Variants in EPB41L3 observed in about 807,000 individuals in gnomAD.
EPB41L3 encodes erythrocyte membrane protein band 4.1 like 3.
Under a neutral mutation model 127.1 loss-of-function variants are expected in EPB41L3, and 57 were observed. That is an observed-to-expected ratio of 0.45 (90% CI 0.36 to 0.56). EPB41L3 has a LOEUF of 0.56. Ranked by LOEUF, EPB41L3 falls within the 20% of genes least tolerant of loss-of-function variation. EPB41L3 has a pLI of 0.00. For missense variants in EPB41L3, 1,273 were observed against 1,372.2 expected (o/e 0.93, Z 1.14); for synonymous variants, 572 against 549.5 (o/e 1.04, Z -0.57).
intron 1 of EPB41L3, among the ~76,000 whole-genome samples, chr18:5,510,641 C>A (rs754678219): frequency 6.6e-6 from 1 of 152,158 alleles, no homozygotes; most frequent in Non-Finnish European, 1.5e-5. Context: ...TATTATCCTG[C>A]GCCGCATTCT....
At chr18:5,531,729 C>T (rs759095093) in intron 1 of EPB41L3, among the ~76,000 whole-genome samples, 568 of 72,154 alleles carry the variant, frequency 7.9e-3, no homozygotes, top group Admixed American at 0.013. Context: ...AAGACCCTGT[C>T]TCAAAAAAAA....
chr18:5,517,563 G>A (rs2148762275), intron 1 of EPB41L3, among the ~76,000 whole-genome samples: 1 of 152,160 alleles, frequency 6.6e-6, no homozygotes, highest in East Asian at 1.9e-4. Context: ...AGCTTTCCGA[G>A]TAGCTGGGAC....
chr18:5,524,853 G>A (rs2093160059), intron 1 of EPB41L3, among the ~76,000 whole-genome samples: 1 of 152,174 alleles, frequency 6.6e-6, no homozygotes. Context: ...CATTTAGCCA[G>A]GGAACAGATG....
intron 3 of EPB41L3, among the ~76,000 whole-genome samples, chr18:5,573,869 G>A (rs1188437492): frequency 1.3e-5 from 2 of 151,662 alleles, no homozygotes; most frequent in Non-Finnish European, 2.9e-5. Context: ...TCAATGAGCA[G>A]TTGTGAATTC....
chr18:5,483,611 A>G (rs779329628), intron 2 of EPB41L3, among the ~76,000 whole-genome samples: 31 of 152,104 alleles, frequency 2.0e-4, no homozygotes, highest in African/African-American at 7.2e-4. Context: ...ACAGACTGAA[A>G]GTAAAAAGGT....
At chr18:5,570,786 C>T (rs2094269155) in intron 3 of EPB41L3, 1 of 152,114 alleles carries the variant, frequency 6.6e-6, no homozygotes, top group Non-Finnish European at 1.5e-5. Context: ...TTCCTTTACT[C>T]ACACAGGTTT....
intron 3 of EPB41L3, among the ~76,000 whole-genome samples, chr18:5,602,075 C>T (rs1305906513): frequency 6.6e-6 from 1 of 152,068 alleles, no homozygotes; most frequent in Non-Finnish European, 1.5e-5. Flanking sequence ...AATGCCTGTC[C>T]GCAGCTTTCA....
At chr18:5,473,279 T>C (rs2086505772) in intron 3 of EPB41L3, among the ~76,000 whole-genome samples, 1 of 152,012 alleles carries the variant, frequency 6.6e-6, no homozygotes, top group Non-Finnish European at 1.5e-5. Flanking sequence ...AGGGGCTAAA[T>C]AAACTGACTT....
At chr18:5,532,032 A>T (rs1228780777) in intron 1 of EPB41L3, among the ~76,000 whole-genome samples, 3 of 152,222 alleles carry the variant, frequency 2.0e-5, no homozygotes, top group Non-Finnish European at 2.9e-5. Context: ...GAGGCACTGT[A>T]CCAGGCTCAA....
chr18:5,544,355 G>A (rs1455579609), upstream of EPB41L3: 3 of 982,234 alleles, frequency 3.1e-6, no homozygotes, highest in East Asian at 3.4e-4. Flanking sequence ...AGAAAGGAGG[G>A]AGAGGGTGTT....
chr18:5,448,411 T>A (rs376186130), intron 3 of EPB41L3, among the ~76,000 whole-genome samples: 42 of 152,316 alleles, frequency 2.8e-4, no homozygotes, highest in African/African-American at 9.9e-4. Context: ...AGTCAACTAA[T>A]TCTACTTATT....
intron 2 of EPB41L3, among the ~76,000 whole-genome samples, chr18:5,484,923 G>A (rs2089463741): frequency 6.6e-6 from 1 of 151,226 alleles, no homozygotes; most frequent in Non-Finnish European, 1.5e-5. Flanking sequence ...AACTAATACT[G>A]ATCCTACTTA....
At chr18:5,435,375 G>A (rs538111495) in intron 6 of EPB41L3, among the ~76,000 whole-genome samples, 2 of 152,078 alleles carry the variant, frequency 1.3e-5, no homozygotes, top group Non-Finnish European at 2.9e-5. Context: ...GCAACTTCCC[G>A]TCCTGCACGC....
At chr18:5,623,788 C>G (rs1206676924) in intron 1 of EPB41L3, among the ~76,000 whole-genome samples, 1 of 151,876 alleles carries the variant, frequency 6.6e-6, no homozygotes, top group Admixed American at 6.6e-5. Context: ...ACTGGGATCA[C>G]AGGCATGAGC....
At chr18:5,435,002 T>C (rs2145853451) in intron 6 of EPB41L3, among the ~76,000 whole-genome samples, 1 of 152,304 alleles carries the variant, frequency 6.6e-6, no homozygotes, top group East Asian at 1.9e-4. Context: ...CTTGACCCTG[T>C]GTAGGCCTAG....
intron 3 of EPB41L3, among the ~76,000 whole-genome samples, chr18:5,582,309 G>A (rs2094401044): frequency 1.3e-5 from 2 of 152,116 alleles, no homozygotes; most frequent in Admixed American, 1.3e-4. Flanking sequence ...AGACAACGGA[G>A]CAGCTGGGCC....
chr18:5,456,964 G>A (rs1435161684), intron 3 of EPB41L3, among the ~76,000 whole-genome samples: 2 of 152,224 alleles, frequency 1.3e-5, no homozygotes, highest in African/African-American at 2.4e-5. Flanking sequence ...TCACTGCAGC[G>A]ATCCCGTGGC....
intron 8 of EPB41L3, among the ~76,000 whole-genome samples, chr18:5,429,088 T>C (rs1049632871): frequency 6.6e-6 from 1 of 152,134 alleles, no homozygotes; most frequent in African/African-American, 2.4e-5. Context: ...TATGAATGAA[T>C]AAAAAAATGT....
In EPB41L3 at chr18:5,584,089, T is replaced by A. The variant is rs150373774; in HGVS notation, c.-306+28251A>T. Among the ~76,000 whole-genome samples, 380 of 152,278 alleles carry A rather than the reference T, an allele frequency of 2.5e-3. 1 individual carries two copies. Among genetic ancestry groups the A allele is most frequent in the African/African-American group, 8.6e-3 (357 of 41,554 alleles). ...AGTGCTAGGATTACAGGTGTGAGCC[T>A]CTGTGCCTGGCCTAGAAAATAATTC... On this transcript the variant is annotated intron_variant, in intron 3 of 21. Coordinates refer to the EPB41L3 transcript ENST00000545076.
Sources: allele counts gnomAD v4.1 joint callset (sites outside exome capture counted in the v4.1 genomes callset), GRCh38; gene constraint gnomAD v4.1.1; transcripts MANE v1.5; gene names NCBI Gene and HGNC (gene_info 2026-07-23, HGNC 2026-07-21).